The following CTBP2 variants were observed in gnomAD, a reference collection of about 807,000 sequenced individuals.
CTBP2 encodes C-terminal-binding protein 2.
In CTBP2, 30 loss-of-function variants were observed where a neutral mutation model predicts 80.3. That is an observed-to-expected ratio of 0.37 (90% CI 0.28 to 0.51). CTBP2 has a LOEUF of 0.51. Ranked by LOEUF, CTBP2 falls within the 20% of genes least tolerant of loss-of-function variation. The pLI is 0.93. For synonymous variants in CTBP2, 594 were observed against 587.4 expected (o/e 1.01, Z -0.16); for missense variants, 1,212 against 1,375.3 (o/e 0.88, Z 1.88).
intron 1 of CTBP2, among the ~76,000 whole-genome samples, chr10:125,147,901 G>GAA (rs111638054): frequency 2.4e-3 from 358 of 147,408 alleles, no homozygotes; most frequent in African/African-American, 8.5e-3. Flanking sequence ...CCCATCTCGG[G>GAA]AAAAAAAAAA....
intron 1 of CTBP2, among the ~76,000 whole-genome samples, chr10:125,017,864 G>A (rs188448449): frequency 9.2e-5 from 14 of 152,310 alleles, no homozygotes; most frequent in East Asian, 3.9e-4. Flanking sequence ...TCTCAGAGCC[G>A]TGGGGGGCAG....
At chr10:125,097,090 T>G (rs1002503932) in intron 2 of CTBP2, among the ~76,000 whole-genome samples, 1 of 152,360 alleles carries the variant, frequency 6.6e-6, no homozygotes, top group Non-Finnish European at 1.5e-5. Flanking sequence ...TCTAAACTAT[T>G]ACATGCCTCC....
At chr10:124,994,428 C>T (rs1308257067) in intron 5 of CTBP2, 41 bp downstream of exon 7, 19 of 1,599,040 alleles carry the variant, frequency 1.2e-5, no homozygotes, top group Non-Finnish European at 1.6e-5. Flanking sequence ...AGTGCTACCA[C>T]CTTTCGACAG....
chr10:125,109,349 C>G (rs1851935969), intron 2 of CTBP2, among the ~76,000 whole-genome samples: 1 of 152,180 alleles, frequency 6.6e-6, no homozygotes, highest in Non-Finnish European at 1.5e-5. Context: ...ATCACCATGA[C>G]CCAACCCACT....
intron 1 of CTBP2, among the ~76,000 whole-genome samples, chr10:125,118,804 A>G (rs1204178579): frequency 6.6e-6 from 1 of 152,252 alleles, no homozygotes; most frequent in South Asian, 2.1e-4. Context: ...AAAGGCGCGC[A>G]GCTCCGAAAG....
rs569682669 is a variant in CTBP2, at chr10:125,151,915, A to G, written c.-206+8404T>C. On this transcript the variant is annotated intron_variant, in intron 1 of 10. Coordinates refer to the CTBP2 transcript ENST00000337195. ...GGGAGGAAGGAGGAAGTGGGCACGGAGCGGGGGGAGGGGGCAGGGCCCATT... is the reference window on the plus strand; with the variant it reads ...GGGAGGAAGGAGGAAGTGGGCACGGGGCGGGGGGAGGGGGCAGGGCCCATT... Among the ~76,000 whole-genome samples, 555 of 152,182 alleles carry G rather than the reference A, an allele frequency of 3.6e-3. 2 individuals are homozygous for G. Among genetic ancestry groups the G allele is most frequent in the African/African-American group, 0.013 (533 of 41,540 alleles).
chr10:125,027,656 A>G lies in CTBP2; in HGVS notation c.104T>C (p.Leu35Pro), dbSNP rs1957787780. The G allele has an allele frequency of 6.2e-7, 1 of 1,613,928 alleles. No homozygotes were observed. The highest frequency in any genetic ancestry group is 1.3e-5 in the African/African-American group (1 of 74,886). Residue 35 changes from leucine to proline, a missense_variant, in exon 1 of 9, where the codon CTG becomes CCG. Coordinates refer to ENST00000309035, the MANE Select transcript of CTBP2 (RefSeq NM_022802.3). ...ATACGTCAGGGAGCTTCTCCTCCCC[A>G]GAGGCCGCAGGGACTCGGCGTTCTC...
chr10:124,997,813 G>A (rs965575893), intron 4 of CTBP2, 151 bp downstream of exon 6: 13 of 759,064 alleles, frequency 1.7e-5, no homozygotes, highest in African/African-American at 1.6e-4. Context: ...TCTTGACTCC[G>A]ATCTCCTACC....
chr10:124,995,646 C>T (rs948299943), intron 4 of CTBP2, among the ~76,000 whole-genome samples: 5 of 152,126 alleles, frequency 3.3e-5, no homozygotes, highest in South Asian at 2.1e-4. Context: ...GGACAACTGC[C>T]GTAGTTTAGA....
intron 1 of CTBP2, among the ~76,000 whole-genome samples, chr10:125,156,198 T>TC (rs1860882654): frequency 6.6e-6 from 1 of 152,186 alleles, no homozygotes; most frequent in Admixed American, 6.5e-5. Context: ...AAATTTCCCT[T>TC]CCCAACCATG....
chr10:125,051,981 C>T (rs1176897436), intron 2 of CTBP2, among the ~76,000 whole-genome samples: 1 of 152,202 alleles, frequency 6.6e-6, no homozygotes, highest in Non-Finnish European at 1.5e-5. Context: ...GGAAGCACCC[C>T]TGCGGATGCC....
At chr10:124,994,928 G>C (rs1565018188) in intron 4 of CTBP2, among the ~76,000 whole-genome samples, 1 of 152,228 alleles carries the variant, frequency 6.6e-6, no homozygotes, top group Non-Finnish European at 1.5e-5. Flanking sequence ...CAGGATTTTT[G>C]TTAAAAACAA....
intron 2 of CTBP2, among the ~76,000 whole-genome samples, chr10:125,041,054 CG>C (rs1397300327): frequency 6.6e-6 from 1 of 152,120 alleles, no homozygotes; most frequent in African/African-American, 2.4e-5. Flanking sequence ...TCCATGTGGA[CG>C]TATTTTAAAA....
At chr10:125,118,702 G>A (rs1853775163) in intron 1 of CTBP2, among the ~76,000 whole-genome samples, 1 of 146,332 alleles carries the variant, frequency 6.8e-6, no homozygotes, top group African/African-American at 2.5e-5. Flanking sequence ...AAAGAGACCA[G>A]TGCAGTGGAG....
intron 2 of CTBP2, among the ~76,000 whole-genome samples, chr10:125,070,140 A>G (rs144012233): frequency 2.2e-3 from 158 of 72,164 alleles, no homozygotes; most frequent in African/African-American, 8.7e-3. Flanking sequence ...TCACAAAGTC[A>G]GGAGATCTAC....
chr10:125,098,839 C>T (rs1048160870), intron 2 of CTBP2, among the ~76,000 whole-genome samples: 1 of 151,548 alleles, frequency 6.6e-6, no homozygotes, highest in Non-Finnish European at 1.5e-5. Context: ...GCTACTTTAG[C>T]CTGGAGTCCT....
intron 3 of CTBP2, among the ~76,000 whole-genome samples, chr10:125,036,419 G>T (rs983957685): frequency 1.3e-5 from 2 of 152,122 alleles, no homozygotes; most frequent in African/African-American, 2.4e-5. Context: ...GACACCAAGA[G>T]CAGGAAGACA....
At chr10:125,162,131 C>T (rs1028442737), upstream of CTBP2, among the ~76,000 whole-genome samples, 16 of 152,218 alleles carry the variant, frequency 1.1e-4, no homozygotes, top group African/African-American at 3.1e-4. Context: ...CTGAACTGAG[C>T]CCTTAGGATC....
intron 1 of CTBP2, among the ~76,000 whole-genome samples, chr10:125,151,942 T>C (rs1400641824): frequency 6.6e-6 from 1 of 152,044 alleles, no homozygotes; most frequent in Non-Finnish European, 1.5e-5. Flanking sequence ...GGGCCCATTC[T>C]CACACCTCTC....
Sources: gnomAD v4.1 joint callset for allele counts (sites outside exome capture counted in the v4.1 genomes callset) on GRCh38, gnomAD v4.1.1 for gene constraint, MANE v1.5 for transcripts, NCBI Gene and HGNC (gene_info 2026-07-23, HGNC 2026-07-21) for gene names.